The following SMYD3 variants were observed in gnomAD, a reference collection of about 807,000 sequenced individuals.
The protein encoded by SMYD3 is SET and MYND domain containing 3, also known as histone-lysine N-methyltransferase SMYD3.
In SMYD3, 36 loss-of-function variants were observed where a neutral mutation model predicts 57.7. That is an observed-to-expected ratio of 0.62 (90% CI 0.48 to 0.82). SMYD3 has a LOEUF of 0.82. Among genes scored for constraint, SMYD3 ranks in the 40% least tolerant of loss-of-function variants. The pLI is 0.00. For synonymous variants in SMYD3, 211 were observed against 195.0 expected, an observed-to-expected ratio of 1.08 and a Z score of -0.68; for missense variants, 515 against 538.8, an observed-to-expected ratio of 0.96 and a Z score of 0.44.
intron 1 of SMYD3, among the ~76,000 whole-genome samples, chr1:246,471,491 C>T (rs1315086933): frequency 6.6e-6 from 1 of 152,248 alleles, no homozygotes; most frequent in Non-Finnish European, 1.5e-5. Flanking sequence ...GCCACCATGC[C>T]TGGCCCCATA....
intron 1 of SMYD3, among the ~76,000 whole-genome samples, chr1:246,401,046 G>C (rs991090785): frequency 1.3e-5 from 2 of 152,066 alleles, no homozygotes; most frequent in Non-Finnish European, 2.9e-5. Context: ...AAGTATTCGA[G>C]GCAGCTGAAC....
intron 1 of SMYD3, among the ~76,000 whole-genome samples, chr1:246,467,581 T>TA (rs1203629644): frequency 6.6e-6 from 1 of 151,840 alleles, no homozygotes; most frequent in African/African-American, 2.4e-5. Context: ...CTCAATAACA[T>TA]AAAAAAAGAG....
intron 10 of SMYD3, among the ~76,000 whole-genome samples, chr1:245,802,713 T>C (rs1190951516): frequency 6.6e-6 from 1 of 152,184 alleles, no homozygotes. Context: ...CTGTGATTTC[T>C]TTTAAAACAA....
At chr1:246,435,052 T>G (rs371496770) in intron 1 of SMYD3, among the ~76,000 whole-genome samples, 16 of 152,314 alleles carry the variant, frequency 1.1e-4, no homozygotes, top group African/African-American at 3.6e-4. Flanking sequence ...CTAAGCAAAT[T>G]AATGCAAAAC....
intron 5 of SMYD3, among the ~76,000 whole-genome samples, chr1:246,201,505 A>C (rs1286720979): frequency 1.3e-5 from 2 of 152,224 alleles, no homozygotes; most frequent in Non-Finnish European, 2.9e-5. Context: ...AGGCCATCAA[A>C]AACATGGCAG....
At chr1:246,007,994 GAA>G (rs1445202672) in intron 5 of SMYD3, among the ~76,000 whole-genome samples, 1 of 152,162 alleles carries the variant, frequency 6.6e-6, no homozygotes, top group East Asian at 1.9e-4. Context: ...TACACCAAAG[GAA>G]AAGTGTTTAA....
chr1:246,176,587 A>T lies in SMYD3; in HGVS notation c.531+150614T>A, dbSNP rs151122344. The stretch of plus-strand genomic sequence containing the variant: ...CCAGACTGGAATGCAGTGGCGCAAG[A>T]TCACAGCTCACTGCAGCCTTGACCT... On this transcript the variant is annotated intron_variant, in intron 5 of 11. Coordinates refer to ENST00000490107, the MANE Select transcript of SMYD3 (RefSeq NM_001167740.2). Among the ~76,000 whole-genome samples the T allele has an allele frequency of 1.8e-3, 275 of 152,326 alleles. 3 individuals carry two copies. Among genetic ancestry groups the T allele is most frequent in the African/African-American group, 6.3e-3 (262 of 41,570 alleles).
At position 246,203,704 on chromosome 1, in the gene SMYD3, C is replaced by G. The variant is rs144652128; in HGVS notation, c.531+123497G>C. On this transcript the variant is annotated intron_variant, in intron 5 of 11. Coordinates refer to ENST00000490107, the MANE Select transcript of SMYD3 (RefSeq NM_001167740.2). This position sits in a 1 kb window ranked among gnomAD's most constrained non-coding sequence, Gnocchi z 4.6. Reference sequence around the variant, plus strand: ...CAAATATGGTCACATTCTGAAGTACCGGTGGTTAGAACATCAACATATGAA... The same window carrying G: ...CAAATATGGTCACATTCTGAAGTACGGGTGGTTAGAACATCAACATATGAA... 6.6e-6 allele frequency among the ~76,000 whole-genome samples: 1 copy of G among 152,170 alleles called. No homozygotes were observed. The highest frequency in any genetic ancestry group is 2.4e-5 in the African/African-American group (1 of 41,430).
intron 11 of SMYD3, among the ~76,000 whole-genome samples, chr1:245,757,806 C>T (rs1266342821): frequency 1.3e-5 from 2 of 152,080 alleles, no homozygotes; most frequent in African/African-American, 2.4e-5. Flanking sequence ...TCCAGTATCA[C>T]CCTGTTTTGA....
chr1:245,881,706 G>A (rs2052787429), intron 8 of SMYD3, among the ~76,000 whole-genome samples: 1 of 152,192 alleles, frequency 6.6e-6, no homozygotes, highest in Non-Finnish European at 1.5e-5. Flanking sequence ...GTTTGCTAGT[G>A]CAATCATGGA....
rs59018021 is a variant in SMYD3 at position 245,791,952 on chromosome 1, T to TTGTGTGTGTGTGTGTGTGTG, written c.1077-27823_1077-27804dup. 4.6e-3 allele frequency among the ~76,000 whole-genome samples: 675 copies of TTGTGTGTGTGTGTGTGTGTG among 146,206 alleles called. 7 individuals carry two copies. The highest frequency in any genetic ancestry group is 0.016 in the African/African-American group (629 of 39,590). ...TGTTTTAAACATTCTAATTTTAAAC[T>TTGTGTGTGTGTGTGTGTGTG]TGTGTGTGTGTGTGTGTGTGTGTGT... is the stretch of plus-strand genomic sequence containing the variant. On this transcript the variant is annotated intron_variant, in intron 10 of 11. Transcript: ENST00000490107.
chr1:246,345,655 T>A (rs1206991592), intron 2 of SMYD3, among the ~76,000 whole-genome samples: 2 of 152,170 alleles, frequency 1.3e-5, no homozygotes, highest in African/African-American at 4.8e-5. Context: ...TGTGTTGACA[T>A]TTTAAAAACC....
At chr1:246,397,912 T>TAA (rs11284190) in intron 1 of SMYD3, among the ~76,000 whole-genome samples, 2 of 132,236 alleles carry the variant, frequency 1.5e-5, no homozygotes, top group African/African-American at 2.8e-5. Context: ...GGTTGAGTCA[T>TAA]AAAAAAAAAA....
chr1:246,192,266 TTTTTA>T (rs1193825884), intron 5 of SMYD3, among the ~76,000 whole-genome samples: 1 of 152,166 alleles, frequency 6.6e-6, no homozygotes, highest in African/African-American at 2.4e-5. Flanking sequence ...GCTCAGCTAT[TTTTTA>T]TTTTATTTAC....
chr1:246,116,998 TA>T (rs1465731019), intron 5 of SMYD3, among the ~76,000 whole-genome samples: 1 of 152,166 alleles, frequency 6.6e-6, no homozygotes, highest in Non-Finnish European at 1.5e-5. Flanking sequence ...CTCCAGTGGA[TA>T]AATTATAAAT....
chr1:246,000,124 T>C (rs1476533830), intron 5 of SMYD3, among the ~76,000 whole-genome samples: 1 of 152,206 alleles, frequency 6.6e-6, no homozygotes, highest in Non-Finnish European at 1.5e-5. Flanking sequence ...GAATAAAAAT[T>C]CGTGATGATG....
intron 5 of SMYD3, among the ~76,000 whole-genome samples, chr1:246,128,030 T>A (rs1023376796): frequency 6.6e-6 from 1 of 152,162 alleles, no homozygotes; most frequent in African/African-American, 2.4e-5. Flanking sequence ...CATTTATTAT[T>A]ATCATCAACT....
intron 5 of SMYD3, among the ~76,000 whole-genome samples, chr1:246,057,010 G>C (rs533015354): frequency 1.3e-5 from 2 of 152,194 alleles, no homozygotes; most frequent in East Asian, 3.9e-4. Flanking sequence ...GATTATAATT[G>C]TAACTATCTG....
intron 8 of SMYD3, among the ~76,000 whole-genome samples, chr1:245,893,127 G>A (rs760281470): frequency 9.9e-5 from 15 of 152,176 alleles, no homozygotes; most frequent in Non-Finnish European, 1.3e-4. Context: ...ACACATTACA[G>A]TACTGCAAAT....
Sources: gnomAD v4.1 joint callset for allele counts (sites outside exome capture counted in the v4.1 genomes callset) on GRCh38, gnomAD v4.1.1 for gene constraint, Gnocchi (gnomAD v3.1) non-coding constraint, MANE v1.5 for transcripts, NCBI Gene and HGNC (gene_info 2026-07-23, HGNC 2026-07-21) for gene names.